PRIMA1: variants seen among roughly 807,000 people sequenced by gnomAD.
The protein encoded by PRIMA1 is proline-rich membrane anchor 1.
In PRIMA1, 7 loss-of-function variants were observed where a neutral mutation model predicts 17.5. That is an observed-to-expected ratio of 0.40 (90% CI 0.23 to 0.75). PRIMA1 has a LOEUF of 0.75. Ranked by LOEUF, PRIMA1 falls within the 30% of genes least tolerant of loss-of-function variation. PRIMA1 has a pLI of 0.37. For missense variants in PRIMA1, 200 were observed against 201.8 expected (o/e 0.99, Z 0.05); for synonymous variants, 97 against 77.9 (o/e 1.25, Z -1.29).
chr14:93,762,653 G>C (rs568444114), intron 3 of PRIMA1, among the ~76,000 whole-genome samples: 17 of 152,038 alleles, frequency 1.1e-4, no homozygotes, highest in Non-Finnish European at 2.2e-4. Context: ...CTCCTGCCCT[G>C]ACCCCCACAG....
At chr14:93,736,045 G>A (rs946032409) in intron 4 of PRIMA1, among the ~76,000 whole-genome samples, 2 of 152,266 alleles carry the variant, frequency 1.3e-5, no homozygotes, top group South Asian at 4.2e-4. Context: ...TTAGAGCATT[G>A]GGCCTTTCTG....
chr14:93,754,579 C>T (rs1468976785), intron 3 of PRIMA1, among the ~76,000 whole-genome samples: 2 of 152,156 alleles, frequency 1.3e-5, no homozygotes, highest in African/African-American at 4.8e-5. Context: ...GCTGGCCACA[C>T]CCACACCTTG....
chr14:93,776,349 T>C (rs1885221534), intron 3 of PRIMA1, among the ~76,000 whole-genome samples: 1 of 152,164 alleles, frequency 6.6e-6, no homozygotes, highest in South Asian at 2.1e-4. Context: ...CCTCTCTTAC[T>C]CTCCTCTCCC....
chr14:93,788,217 A>G (rs988065330), intron 1 of PRIMA1, among the ~76,000 whole-genome samples, 193 bp downstream of exon 1: 3 of 152,080 alleles, frequency 2.0e-5, no homozygotes, highest in African/African-American at 7.2e-5. Flanking sequence ...CTGACCCTGC[A>G]TGCACGGCCC....
chr14:93,755,817 C>T (rs2076287091), intron 3 of PRIMA1, among the ~76,000 whole-genome samples: 1 of 152,096 alleles, frequency 6.6e-6, no homozygotes, highest in African/African-American at 2.4e-5. Context: ...CCCTCCCACC[C>T]CCCAGAGCCA....
chr14:93,738,246 G>A (rs969822118), intron 3 of PRIMA1, among the ~76,000 whole-genome samples: 5 of 152,116 alleles, frequency 3.3e-5, no homozygotes, highest in Admixed American at 6.5e-5. Context: ...GCTGTCTTGG[G>A]GTGGACCTGA....
At chr14:93,784,948 C>T (rs1885479765) in intron 2 of PRIMA1, among the ~76,000 whole-genome samples, 1 of 152,146 alleles carries the variant, frequency 6.6e-6, no homozygotes, top group Admixed American at 6.5e-5. Flanking sequence ...ATCAAAGCTG[C>T]AGAGACTGAC....
chr14:93,769,696 A>AC lies in PRIMA1; in HGVS notation c.229+9479dup, dbSNP rs573861032. On this transcript the variant is annotated intron_variant, in intron 3 of 4. Coordinates refer to ENST00000393140, the MANE Select transcript of PRIMA1 (RefSeq NM_178013.4). ...TGCCTGTCGCTCAGCTTTGCGACCC[A>AC]CCAGGCCTGGACCTCCTCTTTTGTT... 1.5e-3 allele frequency among the ~76,000 whole-genome samples: 232 copies of AC among 152,254 alleles called. 1 individual carries two copies. Among genetic ancestry groups the AC allele is most frequent in the African/African-American group, 5.5e-3 (227 of 41,538 alleles).
chr14:93,735,722 C>T (rs1212386193), intron 4 of PRIMA1, among the ~76,000 whole-genome samples: 3 of 147,590 alleles, frequency 2.0e-5, no homozygotes, highest in Non-Finnish European at 4.5e-5. Context: ...GATGGAGTCT[C>T]GCTCTGTCGC....
chr14:93,733,622 A>G (rs2076129770), intron 4 of PRIMA1, among the ~76,000 whole-genome samples: 1 of 152,142 alleles, frequency 6.6e-6, no homozygotes, highest in South Asian at 2.1e-4. Flanking sequence ...GGGGCCATTT[A>G]CAAAGATCTC....
intron 3 of PRIMA1, among the ~76,000 whole-genome samples, chr14:93,751,147 C>G (rs999695): frequency 0.73 from 111,177 of 152,148 alleles, 41,957 homozygotes; most frequent in Non-Finnish European, 0.83. Context: ...AGCTACACGT[C>G]TGACTTTTCG....
At chr14:93,731,487 C>A (rs1270911652) in intron 4 of PRIMA1, among the ~76,000 whole-genome samples, 9 of 152,096 alleles carry the variant, frequency 5.9e-5, no homozygotes, top group African/African-American at 2.2e-4. Flanking sequence ...ATATGTATTC[C>A]TTTGATAAAA....
upstream of PRIMA1, among the ~76,000 whole-genome samples, chr14:93,788,838 C>A (rs920116170): frequency 6.6e-6 from 1 of 151,956 alleles, no homozygotes; most frequent in African/African-American, 2.4e-5. Flanking sequence ...TGGAGCCGGC[C>A]GCGCGAGCCC....
At chr14:93,748,588 C>G (rs774758785) in intron 3 of PRIMA1, among the ~76,000 whole-genome samples, 83 of 152,030 alleles carry the variant, frequency 5.5e-4, no homozygotes, top group Admixed American at 1.1e-3. Flanking sequence ...TCTCTGCCCC[C>G]CTGGCTGGTG....
At chr14:93,770,295 A>G (rs572530430) in intron 3 of PRIMA1, among the ~76,000 whole-genome samples, 1 of 152,094 alleles carries the variant, frequency 6.6e-6, no homozygotes, top group South Asian at 2.1e-4. Context: ...GGCATGCCAC[A>G]CCCCCTACTC....
chr14:93,783,165 C>T (rs1051926704), intron 2 of PRIMA1, among the ~76,000 whole-genome samples: 1 of 152,182 alleles, frequency 6.6e-6, no homozygotes, highest in Non-Finnish European at 1.5e-5. Context: ...TGTCTTAGGG[C>T]GGGCAGGTAG....
intron 3 of PRIMA1, among the ~76,000 whole-genome samples, chr14:93,745,759 A>G (rs1380865317): frequency 6.6e-6 from 1 of 152,222 alleles, no homozygotes; most frequent in African/African-American, 2.4e-5. Context: ...GGGATATCAC[A>G]TCAGCTGCCC....
At chr14:93,779,427 A>G in intron 2 of PRIMA1, 116 bp from the exon 3 acceptor site, 1 of 834,578 alleles carries the variant, frequency 1.2e-6, no homozygotes, top group Non-Finnish European at 1.8e-6. Flanking sequence ...ATTCCTTTCC[A>G]AGACCAAGGC....
chr14:93,774,077 G>C (rs548489916), intron 3 of PRIMA1, among the ~76,000 whole-genome samples: 1 of 152,088 alleles, frequency 6.6e-6, no homozygotes, highest in South Asian at 2.1e-4. Flanking sequence ...GGGCGACAAA[G>C]AGAGACTCCG....
Sources: gnomAD v4.1 joint callset for allele counts (sites outside exome capture counted in the v4.1 genomes callset) on GRCh38, gnomAD v4.1.1 for gene constraint, MANE v1.5 for transcripts, NCBI Gene and HGNC (gene_info 2026-07-23, HGNC 2026-07-21) for gene names.